Variants in CDH18 observed in about 807,000 individuals in gnomAD.
CDH18 encodes cadherin 18.
In CDH18, 31 loss-of-function variants were observed where a neutral mutation model predicts 67.9. The ratio of observed to expected loss-of-function variants is 0.46; its 90% CI spans 0.34 to 0.62. CDH18 has a LOEUF of 0.62. Among genes scored for constraint, CDH18 ranks in the 20% least tolerant of loss-of-function variants. CDH18 has a pLI of 0.01. For missense variants in CDH18, 890 were observed against 975.5 expected (o/e 0.91, Z 1.17); for synonymous variants, 362 against 347.2 (o/e 1.04, Z -0.48).
At chr5:19,555,533 T>A (rs1195800875) in intron 8 of CDH18, among the ~76,000 whole-genome samples, 1 of 152,158 alleles carries the variant, frequency 6.6e-6, no homozygotes, top group Non-Finnish European at 1.5e-5. Flanking sequence ...AGCTATGTGA[T>A]GCAGCAGAGA....
At chr5:20,087,110 C>T (rs2150553150) in intron 2 of CDH18, among the ~76,000 whole-genome samples, 1 of 152,158 alleles carries the variant, frequency 6.6e-6, no homozygotes, top group South Asian at 2.1e-4. Flanking sequence ...GATTCCAATG[C>T]TCATGGATGA....
In CDH18 at chr5:20,127,915, C is replaced by T. The variant is rs149483491; in HGVS notation, c.-518+127529G>A. Among the ~76,000 whole-genome samples, 625 of 152,158 alleles carry T rather than the reference C, an allele frequency of 4.1e-3. 10 individuals carry two copies. The highest frequency in any genetic ancestry group is 0.014 in the African/African-American group (592 of 41,466). On this transcript the variant is annotated intron_variant, in intron 2 of 14. Transcript: ENST00000507958. Reference sequence around the variant, plus strand: ...TATTATTGTTATTACTAAGTTTATACATTACTTTAATTAAAAAGTCACTTG... The same window carrying T: ...TATTATTGTTATTACTAAGTTTATATATTACTTTAATTAAAAAGTCACTTG...
rs9292921 is a variant in CDH18, at chr5:20,328,707, A to T, written c.-579-73202T>A. On this transcript the variant is annotated intron_variant, in intron 1 of 14. Coordinates refer to the CDH18 transcript ENST00000507958. ...CTGCCTCAATCACTTTTTGATTCCCATACCGGGTCAGGCATGGTGGCTCAC... is the reference window on the plus strand; with the variant it reads ...CTGCCTCAATCACTTTTTGATTCCCTTACCGGGTCAGGCATGGTGGCTCAC... 2.5e-4 allele frequency among the ~76,000 whole-genome samples: 38 copies of T among 152,116 alleles called. 1 individual carries two copies. Among genetic ancestry groups the T allele is most frequent in the Admixed American group, 2.3e-3 (35 of 15,288 alleles).
intron 3 of CDH18, among the ~76,000 whole-genome samples, chr5:19,816,681 C>T (rs906796604): frequency 6.6e-6 from 1 of 151,396 alleles, no homozygotes; most frequent in African/African-American, 2.4e-5. Context: ...ATTTCTAGTC[C>T]CTAACATAAG....
upstream of CDH18, among the ~76,000 whole-genome samples, chr5:19,989,127 C>G (rs930545443): frequency 6.6e-6 from 1 of 152,144 alleles, no homozygotes; most frequent in African/African-American, 2.4e-5. Flanking sequence ...TCTCCCCGCA[C>G]GAAGTCACCC....
intron 3 of CDH18, among the ~76,000 whole-genome samples, chr5:19,835,893 A>C (rs891708801): frequency 6.6e-6 from 1 of 152,148 alleles, no homozygotes; most frequent in Non-Finnish European, 1.5e-5. Flanking sequence ...GAACCGCCAC[A>C]AACCTGAACA....
chr5:19,634,944 AAAAAAAAAGAAAG>A (rs1394992841), intron 5 of CDH18, among the ~76,000 whole-genome samples: 4 of 151,950 alleles, frequency 2.6e-5, no homozygotes, highest in African/African-American at 9.7e-5. Context: ...TCTCAAAAAA[AAAAAAAAAGAAAG>A]AAAAAAAAGA....
At chr5:20,394,711 A>C (rs1336007591) in intron 1 of CDH18, among the ~76,000 whole-genome samples, 1 of 152,128 alleles carries the variant, frequency 6.6e-6, no homozygotes, top group African/African-American at 2.4e-5. Context: ...TCCAGAATCC[A>C]CAAATAACTC....
At chr5:19,555,550 T>C (rs1010211547) in intron 8 of CDH18, among the ~76,000 whole-genome samples, 16 of 152,112 alleles carry the variant, frequency 1.1e-4, no homozygotes, top group African/African-American at 3.6e-4. Context: ...GAGAAAGCCA[T>C]AATCCCCCTG....
chr5:19,604,533 AC>A (rs1747712973), intron 6 of CDH18, among the ~76,000 whole-genome samples: 1 of 8,732 alleles, frequency 1.1e-4, no homozygotes, highest in Non-Finnish European at 6.7e-4. Flanking sequence ...AAATTAAAAC[AC>A]ACACACACAC....
chr5:20,094,604 G>A (rs1315216198), intron 2 of CDH18, among the ~76,000 whole-genome samples: 3 of 152,150 alleles, frequency 2.0e-5, no homozygotes, highest in Admixed American at 1.3e-4. Flanking sequence ...AGCATGGAAT[G>A]TTTTCCCATT....
intron 2 of CDH18, among the ~76,000 whole-genome samples, chr5:20,213,446 GT>G (rs1740513879): frequency 6.6e-6 from 1 of 152,112 alleles, no homozygotes; most frequent in Admixed American, 6.6e-5. Context: ...AATACTTTCA[GT>G]AGGAATGGTA....
At chr5:20,489,464 A>G (rs1322055468) in intron 1 of CDH18, among the ~76,000 whole-genome samples, 1 of 152,088 alleles carries the variant, frequency 6.6e-6, no homozygotes, top group Non-Finnish European at 1.5e-5. Context: ...TTTTAGATGG[A>G]TAATTATATC....
chr5:20,008,081 C>A (rs1323755629), intron 2 of CDH18, among the ~76,000 whole-genome samples: 2 of 152,006 alleles, frequency 1.3e-5, no homozygotes, highest in Admixed American at 6.6e-5. Context: ...ACTAGGCCAA[C>A]CTCGATCAAT....
intron 1 of CDH18, among the ~76,000 whole-genome samples, chr5:20,542,860 G>C (rs964771281): frequency 6.6e-6 from 1 of 151,732 alleles, no homozygotes; most frequent in Non-Finnish European, 1.5e-5. Flanking sequence ...GTGTAAACTT[G>C]TAGTGTATTT....
At chr5:20,179,716 A>G (rs1737533615) in intron 2 of CDH18, among the ~76,000 whole-genome samples, 2 of 152,172 alleles carry the variant, frequency 1.3e-5, no homozygotes, top group Admixed American at 1.3e-4. Context: ...CAATCTCACA[A>G]ACTTTGGAGA....
chr5:19,912,539 T>G (rs899613786), intron 2 of CDH18, among the ~76,000 whole-genome samples: 1 of 152,178 alleles, frequency 6.6e-6, no homozygotes, highest in Non-Finnish European at 1.5e-5. Context: ...GTTTGTCTAT[T>G]TTAAGCTTCC....
intron 2 of CDH18, among the ~76,000 whole-genome samples, chr5:19,851,688 T>C (rs1341182851): frequency 1.3e-5 from 2 of 151,882 alleles, no homozygotes; most frequent in South Asian, 2.1e-4. Flanking sequence ...ATACCACATA[T>C]TGTATGAATG....
chr5:19,844,327 C>T (rs941588823), intron 2 of CDH18, among the ~76,000 whole-genome samples: 1 of 152,114 alleles, frequency 6.6e-6, no homozygotes, highest in Non-Finnish European at 1.5e-5. Flanking sequence ...ACTAGTCCCC[C>T]ATGCTCTTCT....
Sources: gnomAD v4.1 joint callset for allele counts (sites outside exome capture counted in the v4.1 genomes callset) on GRCh38, gnomAD v4.1.1 for gene constraint, MANE v1.5 for transcripts, NCBI Gene and HGNC (gene_info 2026-07-23, HGNC 2026-07-21) for gene names.